The following ATAD2 variants were observed in gnomAD, a reference collection of about 807,000 sequenced individuals.
ATAD2 encodes ATPase family AAA domain-containing protein 2.
In ATAD2, 62 loss-of-function variants were observed where a neutral mutation model predicts 168.9. The observed-to-expected ratio is 0.37, with a 90% CI of 0.30 to 0.45. The LOEUF is 0.45. Ranked by LOEUF, ATAD2 falls within the 20% of genes least tolerant of loss-of-function variation. ATAD2 has a pLI of 1.00. For synonymous variants in ATAD2, 613 were observed against 571.6 expected, an observed-to-expected ratio of 1.07 and a Z score of -1.03; for missense variants, 1,419 against 1,667.8, an observed-to-expected ratio of 0.85 and a Z score of 2.60.
intron 8 of ATAD2, among the ~76,000 whole-genome samples, chr8:123,368,787 G>C (rs1332029167): frequency 6.6e-6 from 1 of 152,170 alleles, no homozygotes; most frequent in Non-Finnish European, 1.5e-5. Flanking sequence ...AGTAAACCCT[G>C]AGTCTAAGGT....
chr8:123,359,813 A>G (rs1290606074), intron 9 of ATAD2, 128 bp from the exon 10 acceptor site: 1 of 633,826 alleles, frequency 1.6e-6, no homozygotes, highest in African/African-American at 1.9e-5. Flanking sequence ...ATCTTAAGAT[A>G]TGTATTTTAA....
At chr8:123,375,805 T>C (rs896207507) in intron 2 of ATAD2, among the ~76,000 whole-genome samples, 6 of 152,136 alleles carry the variant, frequency 3.9e-5, no homozygotes, top group Non-Finnish European at 7.4e-5. Flanking sequence ...ACTCCATATC[T>C]ACTAAAAATA....
intron 1 of ATAD2, among the ~76,000 whole-genome samples, chr8:123,405,138 C>T (rs930312149): frequency 2.0e-5 from 3 of 152,006 alleles, no homozygotes; most frequent in African/African-American, 7.2e-5. Flanking sequence ...AAAAAGTGGC[C>T]ACATACAATA....
intron 2 of ATAD2, among the ~76,000 whole-genome samples, chr8:123,374,181 AAAACAAACAAAC>A (rs376609463): frequency 6.6e-6 from 1 of 152,118 alleles, no homozygotes; most frequent in Non-Finnish European, 1.5e-5. Flanking sequence ...TCTCTAGTTA[AAAACAAACAAAC>A]AAACAAGCAA....
chr8:123,391,082 C>T (rs1371040161), intron 1 of ATAD2, among the ~76,000 whole-genome samples: 1 of 151,146 alleles, frequency 6.6e-6, no homozygotes, highest in Non-Finnish European at 1.5e-5. Context: ...AAACACCCTA[C>T]TATCCATCCT....
chr8:123,345,393 G>A (rs887887235), intron 18 of ATAD2, among the ~76,000 whole-genome samples: 4 of 151,920 alleles, frequency 2.6e-5, no homozygotes, highest in African/African-American at 9.7e-5. Flanking sequence ...CAGGCGCGGT[G>A]GCTCATGCCT....
intron 1 of ATAD2, chr8:123,401,474 G>T: frequency 6.4e-7 from 1 of 1,555,634 alleles, no homozygotes; most frequent in Middle Eastern, 1.9e-4. Context: ...AGGTGATTGG[G>T]GGGAACGTGG....
chr8:123,378,944 A>C (rs1372672145), intron 2 of ATAD2, among the ~76,000 whole-genome samples: 1 of 151,830 alleles, frequency 6.6e-6, no homozygotes, highest in Non-Finnish European at 1.5e-5. Context: ...GGTGTGCGAC[A>C]CCATGCCCAG....
At chr8:123,334,364 T>C (rs751398109) in intron 22 of ATAD2, 42 bp from the exon 23 acceptor site, 1 of 1,453,264 alleles carries the variant, frequency 6.9e-7, no homozygotes, top group South Asian at 1.6e-5. Flanking sequence ...TTTCCCCCTT[T>C]TAATAATATA....
chr8:123,334,742 A>T (rs1019885829), intron 22 of ATAD2, among the ~76,000 whole-genome samples: 15 of 152,230 alleles, frequency 9.9e-5, no homozygotes, highest in African/African-American at 3.6e-4. Flanking sequence ...AGACAATGAA[A>T]AAGCAACCCT....
intron 1 of ATAD2, among the ~76,000 whole-genome samples, chr8:123,393,874 G>A (rs1346703603): frequency 6.6e-6 from 1 of 152,044 alleles, no homozygotes; most frequent in Non-Finnish European, 1.5e-5. Flanking sequence ...CCGAGATCAC[G>A]TCACTGCACT....
Position 123,333,964 on chromosome 8 carries a change from G to A in ATAD2, c.3392C>T (p.Ser1131Phe), listed in dbSNP as rs1477916412. ...TGATCTTTTATCACCAACAAGAGTG[G>A]AATTTTGCTTTGGCATCACATGGTA... ...SYYHVMPKQN[S>F]TLVGDKRSDP... Residue 1131 changes from serine to phenylalanine, a missense_variant, in exon 24 of 28, where the codon TCC (serine) becomes TTC (phenylalanine). This residue lies in a region of ATAD2 where 545 missense variants were observed against 724.9 expected (regional missense o/e 0.75). Coordinates refer to ENST00000287394, the MANE Select transcript of ATAD2 (RefSeq NM_014109.4). 6.2e-7 allele frequency: 1 copy of A among 1,613,982 alleles called. No individual in the cohort carries two copies. Among genetic ancestry groups the A allele is most frequent in the Non-Finnish European group, 8.5e-7 (1 of 1,180,004 alleles).
chr8:123,409,630 T>G (rs1389982809), intron 1 of ATAD2, among the ~76,000 whole-genome samples: 1 of 151,958 alleles, frequency 6.6e-6, no homozygotes, highest in Non-Finnish European at 1.5e-5. Context: ...AGTGCTGGGA[T>G]TACAAGCTTG....
At chr8:123,390,837 C>T (rs899765480) in intron 1 of ATAD2, among the ~76,000 whole-genome samples, 2 of 151,940 alleles carry the variant, frequency 1.3e-5, no homozygotes, top group African/African-American at 2.4e-5. Context: ...TTTGATACCC[C>T]GTCTCTACTA....
intron 1 of ATAD2, among the ~76,000 whole-genome samples, chr8:123,391,770 A>G (rs1238584802): frequency 1.3e-5 from 2 of 152,218 alleles, no homozygotes; most frequent in Non-Finnish European, 2.9e-5. Flanking sequence ...TTCCAATTAC[A>G]GAGGCATGTT....
intron 14 of ATAD2, 41 bp downstream of exon 14, chr8:123,349,244 C>G (rs1828368102): frequency 6.3e-7 from 1 of 1,579,290 alleles, no homozygotes; most frequent in Admixed American, 1.8e-5. Context: ...TAATAAACAG[C>G]AATATATTTT....
chr8:123,337,663 G>A lies in ATAD2; in HGVS notation c.3013C>T (p.Arg1005Ter). 1 of 1,612,262 alleles carries A rather than the reference G, an allele frequency of 6.2e-7. No individual in the cohort carries two copies. Among genetic ancestry groups the A allele is most frequent in the Non-Finnish European group, 8.5e-7 (1 of 1,179,270 alleles). ...NVTHRLAIDK[R>*]FRVFTKPVDP... ...ACAGGCTTAGTAAACACTCGGAATC[G>A]CTTGTCAATAGCAAGCCTATGTGTA... Residue 1005 changes from arginine (R) to a stop codon, truncating the protein, a stop_gained, in exon 21 of 28, where the codon CGA becomes TGA. Coordinates refer to ENST00000287394, the MANE Select transcript of ATAD2 (RefSeq NM_014109.4). LOFTEE classifies it high-confidence loss of function.
At chr8:123,379,892 T>TATTA (rs1554646753) in intron 2 of ATAD2, among the ~76,000 whole-genome samples, 3 of 143,792 alleles carry the variant, frequency 2.1e-5, no homozygotes, top group African/African-American at 7.7e-5. Flanking sequence ...TTATTATTAT[T>TATTA]TTTTTTTTTT....
chr8:123,410,374 C>T (rs1354219439), intron 1 of ATAD2, among the ~76,000 whole-genome samples: 1 of 152,178 alleles, frequency 6.6e-6, no homozygotes, highest in Non-Finnish European at 1.5e-5. Flanking sequence ...GCAACCTCCA[C>T]CTCCCAGGTT....
Sources: allele counts gnomAD v4.1 joint callset (sites outside exome capture counted in the v4.1 genomes callset), GRCh38; gene constraint gnomAD v4.1.1; regional missense constraint gnomAD v4.1.1; transcripts MANE v1.5; gene names NCBI Gene and HGNC (gene_info 2026-07-23, HGNC 2026-07-21).